Variants in EML4 observed in about 807,000 individuals in gnomAD.
EML4 encodes echinoderm microtubule-associated protein-like 4.
EML4 carries 72 observed loss-of-function variants against 129.0 expected under a neutral mutation model. That is an observed-to-expected ratio of 0.56 (90% CI 0.46 to 0.68). The LOEUF (loss-of-function observed/expected upper bound fraction) is 0.68, where lower values mean the gene tolerates loss of function less well. Among genes scored for constraint, EML4 ranks in the 30% least tolerant of loss-of-function variants. The pLI is 0.00. For missense variants in EML4, 1,363 were observed against 1,190.6 expected (o/e 1.14, Z -2.13); for synonymous variants, 532 against 405.0 (o/e 1.31, Z -3.77).
At chr2:42,219,998 T>C (rs1050080516) in intron 1 of EML4, among the ~76,000 whole-genome samples, 2 of 151,884 alleles carry the variant, frequency 1.3e-5, no homozygotes, top group Admixed American at 6.6e-5. Context: ...AGGAAGGGCT[T>C]AAGGGGTGGC....
intron 19 of EML4, among the ~76,000 whole-genome samples, chr2:42,319,294 G>C (rs1052968890): frequency 1.1e-4 from 17 of 152,198 alleles, no homozygotes; most frequent in African/African-American, 4.1e-4. Context: ...ATCCAGAAGA[G>C]AGAGCAATGT....
At chr2:42,187,223 A>C (rs1485315103) in intron 1 of EML4, among the ~76,000 whole-genome samples, 1 of 150,664 alleles carries the variant, frequency 6.6e-6, no homozygotes, top group East Asian at 1.9e-4. Context: ...TTTTTTTTTA[A>C]TTTTTTGTAG....
intron 3 of EML4, among the ~76,000 whole-genome samples, chr2:42,257,124 G>A (rs1045419787): frequency 1.9e-4 from 29 of 151,818 alleles, no homozygotes; most frequent in African/African-American, 6.3e-4. Flanking sequence ...GGGGGTGTAT[G>A]TGTGTGTGTG....
At position 42,258,321 on chromosome 2, in the gene EML4, C is replaced by A. The variant is rs1302591114; in HGVS notation, c.338+1691C>A. 3.3e-5 allele frequency among the ~76,000 whole-genome samples: 5 copies of A among 151,848 alleles called. 1 individual carries two copies. Among genetic ancestry groups the A allele is most frequent in the African/African-American group, 1.2e-4 (5 of 41,376 alleles). On this transcript the variant is annotated intron_variant, in intron 3 of 22. Coordinates refer to ENST00000318522, the MANE Select transcript of EML4 (RefSeq NM_019063.5). ...TTTGAGAGAGTTGGACATATTGGAA[C>A]TCAGTTTTTTAATTTCAGAGTTAAT...
chr2:42,249,446 A>G lies in EML4; in HGVS notation c.208+3759A>G, dbSNP rs1002856398. On this transcript the variant is annotated intron_variant, in intron 2 of 22. Transcript: ENST00000318522. ...AATTCCTGTGGATAAATAGGGTAGA[A>G]TCCTTTTATGAAGCTGTGGTTCAAA... Among the ~76,000 whole-genome samples the G allele has an allele frequency of 2.6e-5, 4 of 152,256 alleles. No individual in the cohort carries two copies. In the East Asian group the frequency reaches 5.8e-4, roughly 22 times the overall value.
chr2:42,329,768 A>T lies in EML4; in HGVS notation c.2507A>T (p.His836Leu). The T allele has an allele frequency of 6.2e-7, 1 of 1,614,174 alleles. No homozygotes were observed. Among genetic ancestry groups the T allele is most frequent in the Non-Finnish European group, 8.5e-7 (1 of 1,180,014 alleles). Residue 836 changes from histidine (H) to leucine (L), a missense_variant, in exon 23 of 23, where the codon CAT (histidine) becomes CTT (leucine). Physicochemically the swap from His to Leu is moderately conservative, Grantham distance 99. Coordinates refer to ENST00000318522, the MANE Select transcript of EML4 (RefSeq NM_019063.5). ...PSHKYSAHSS[H>L]VTNVSFTHND... ...CACAAGTACAGTGCCCACAGCAGCC[A>T]TGTCACCAATGTCAGTTTTACTCAC...
chr2:42,329,645 T>C, intron 22 of EML4, 89 bp from the exon 23 acceptor site: 1 of 1,060,634 alleles, frequency 9.4e-7, no homozygotes, highest in Non-Finnish European at 1.4e-6. Flanking sequence ...CAAGCTGAGT[T>C]TACCCCCCTT....
intron 13 of EML4, 105 bp from the exon 14 acceptor site, chr2:42,301,136 C>G (rs971826955): frequency 3.1e-6 from 3 of 975,172 alleles, no homozygotes; most frequent in Non-Finnish European, 4.5e-6. Flanking sequence ...GTCATATGAA[C>G]TTTCTGATTA....
chr2:42,286,176 C>G (rs1235161062), intron 9 of EML4, 93 bp from the exon 10 acceptor site: 5 of 781,638 alleles, frequency 6.4e-6, no homozygotes, highest in Admixed American at 1.8e-5. Flanking sequence ...TTATCCATCC[C>G]TATTACTTTT....
At chr2:42,246,798 T>C (rs1220298922) in intron 2 of EML4, among the ~76,000 whole-genome samples, 1 of 152,200 alleles carries the variant, frequency 6.6e-6, no homozygotes, top group African/African-American at 2.4e-5. Context: ...CAAAAAGTGA[T>C]GCACATTGCC....
At chr2:42,243,332 A>C (rs1029977284) in intron 1 of EML4, among the ~76,000 whole-genome samples, 1 of 152,234 alleles carries the variant, frequency 6.6e-6, no homozygotes, top group Non-Finnish European at 1.5e-5. Flanking sequence ...GATCAGCTAG[A>C]ATTCAGCTAG....
At chr2:42,224,000 TG>T (rs1269597158) in intron 1 of EML4, among the ~76,000 whole-genome samples, 12 of 152,320 alleles carry the variant, frequency 7.9e-5, no homozygotes, top group Middle Eastern at 6.8e-3. Flanking sequence ...GTTTAAATTA[TG>T]AAAGTTTTTC....
At chr2:42,319,590 T>A (rs1669416536) in intron 19 of EML4, 1 of 152,218 alleles carries the variant, frequency 6.6e-6, no homozygotes, top group Non-Finnish European at 1.5e-5. Context: ...GTCCCCTGCT[T>A]TTATCTATTG....
At chr2:42,328,522 A>G (rs951784392) in intron 21 of EML4, among the ~76,000 whole-genome samples, 5 of 152,238 alleles carry the variant, frequency 3.3e-5, no homozygotes, top group South Asian at 4.1e-4. Context: ...CCTTGTCTAT[A>G]CAAGTAACTG....
In EML4 at chr2:42,245,503, A is replaced by G. The variant is rs1294437681; in HGVS notation, c.26-2A>G. The G allele has an allele frequency of 1.3e-6, 2 of 1,599,688 alleles. No homozygotes were observed. Among genetic ancestry groups the G allele is most frequent in the Non-Finnish European group, 1.7e-6 (2 of 1,170,846 alleles). The stretch of plus-strand genomic sequence containing the variant: ...TATTCCATATTTTATTTTATTTTAT[A>G]GATGATAGTATTTCTGCTGCAAGTA... On this transcript the variant is annotated splice_acceptor_variant, in intron 1 of 22. Coordinates refer to ENST00000318522, the MANE Select transcript of EML4 (RefSeq NM_019063.5). LOFTEE classifies it high-confidence loss of function.
chr2:42,253,616 G>A (rs899433712), intron 2 of EML4, among the ~76,000 whole-genome samples: 2 of 152,160 alleles, frequency 1.3e-5, no homozygotes, highest in African/African-American at 2.4e-5. Context: ...TAGTGAAGAT[G>A]CATCCATTTA....
chr2:42,236,839 G>A (rs1478943765), intron 1 of EML4, among the ~76,000 whole-genome samples: 1 of 152,042 alleles, frequency 6.6e-6, no homozygotes, highest in Non-Finnish European at 1.5e-5. Flanking sequence ...CACACTTTAC[G>A]TTTTTGGCCA....
At chr2:42,287,590 T>A (rs1572693956) in intron 10 of EML4, among the ~76,000 whole-genome samples, 1 of 152,188 alleles carries the variant, frequency 6.6e-6, no homozygotes, top group African/African-American at 2.4e-5. Context: ...ATACTATTTT[T>A]AAAAAGCATT....
chr2:42,224,654 T>G (rs1673834271), intron 1 of EML4, among the ~76,000 whole-genome samples: 1 of 152,150 alleles, frequency 6.6e-6, no homozygotes, highest in African/African-American at 2.4e-5. Context: ...CTGTACTGTT[T>G]ACATTCCCAC....
Sources: gnomAD v4.1 joint callset for allele counts (sites outside exome capture counted in the v4.1 genomes callset) on GRCh38, gnomAD v4.1.1 for gene constraint, MANE v1.5 for transcripts, NCBI Gene and HGNC (gene_info 2026-07-23, HGNC 2026-07-21) for gene names.